The following GARIN4 variants were observed in gnomAD, a reference collection of about 807,000 sequenced individuals.
GARIN4 encodes golgi associated RAB2 interactor family member 4.
the GARIN4 span, chr1:212,625,033 G>A: frequency 6.2e-7 from 1 of 1,614,158 alleles, no homozygotes; most frequent in Non-Finnish European, 8.5e-7. Flanking sequence ...ACTTTATCCA[G>A]ATCACCAAAA....
chr1:212,624,983 G>A, the GARIN4 span: 1 of 1,614,166 alleles, frequency 6.2e-7, no homozygotes, highest in Non-Finnish European at 8.5e-7. Flanking sequence ...GTACAAGGGG[G>A]AGTACGATAT....
chr1:212,625,339 TC>T, the GARIN4 span: 1 of 1,614,218 alleles, frequency 6.2e-7, no homozygotes, highest in African/African-American at 1.3e-5. Context: ...TGCAATTGTG[TC>T]CCGCTCTTGA....
At chr1:212,625,654 C>G in the GARIN4 span, 3 of 1,614,018 alleles carry the variant, frequency 1.9e-6, no homozygotes, top group South Asian at 3.3e-5. Context: ...ATGCATCCAT[C>G]CCCAAAACAT....
chr1:212,626,092 T>C, the GARIN4 span: 7 of 1,613,592 alleles, frequency 4.3e-6, no homozygotes, highest in African/African-American at 1.3e-5. Flanking sequence ...GCAGCCTGAG[T>C]GGACAGCATG....
At chr1:212,625,866 C>T in the GARIN4 span, 4 of 1,614,240 alleles carry the variant, frequency 2.5e-6, no homozygotes, top group South Asian at 3.3e-5. Flanking sequence ...ATGGCCCTTG[C>T]AGGCACTGCC....
the GARIN4 span, chr1:212,626,634 T>A: frequency 6.2e-7 from 1 of 1,609,316 alleles, no homozygotes; most frequent in Non-Finnish European, 8.5e-7. Context: ...CCGGACATCA[T>A]GGAGACAGTG....
At chr1:212,625,015 T>A in the GARIN4 span, 3 of 1,614,106 alleles carry the variant, frequency 1.9e-6, no homozygotes, top group Non-Finnish European at 2.5e-6. Flanking sequence ...CACCGATATT[T>A]GAGAGCGACT....
the GARIN4 span, chr1:212,625,901 G>A: frequency 1.5e-5 from 24 of 1,614,246 alleles, no homozygotes; most frequent in Non-Finnish European, 1.9e-5. Context: ...CAGCACGAAG[G>A]TGGCTGTGGC....
At chr1:212,625,901 G>C in the GARIN4 span, 1 of 1,614,246 alleles carries the variant, frequency 6.2e-7, no homozygotes, top group Non-Finnish European at 8.5e-7. Flanking sequence ...CAGCACGAAG[G>C]TGGCTGTGGC....
At chr1:212,625,148 C>T in the GARIN4 span, 1 of 1,614,178 alleles carries the variant, frequency 6.2e-7, no homozygotes, top group Non-Finnish European at 8.5e-7. Context: ...ACTGGCACGA[C>T]CGGCCACCGG....
At chr1:212,625,723 G>T in the GARIN4 span, 1 of 1,613,920 alleles carries the variant, frequency 6.2e-7, no homozygotes, top group Non-Finnish European at 8.5e-7. Context: ...CAGCAGCAGG[G>T]GCAGCTGCAG....
At chr1:212,625,560 C>G in the GARIN4 span, 2 of 1,614,196 alleles carry the variant, frequency 1.2e-6, no homozygotes, top group Non-Finnish European at 1.7e-6. Flanking sequence ...CACATGGTCT[C>G]TGAGGTGTGT....
chr1:212,625,553 A>G, the GARIN4 span: 1 of 1,614,138 alleles, frequency 6.2e-7, no homozygotes, highest in Non-Finnish European at 8.5e-7. Flanking sequence ...AAGCCTCCAC[A>G]TGGTCTCTGA....
the GARIN4 span, chr1:212,626,175 T>C: frequency 1.2e-6 from 2 of 1,614,022 alleles, no homozygotes; most frequent in East Asian, 2.2e-5. Context: ...GACAGGGCTC[T>C]CGGAAGGAGT....
the GARIN4 span, chr1:212,626,767 C>T: frequency 6.8e-7 from 1 of 1,471,562 alleles, no homozygotes; most frequent in East Asian, 2.3e-5. Context: ...AAGAATCATA[C>T]ATCTGAAAGT....
chr1:212,626,275 C>T, the GARIN4 span: 7 of 1,614,096 alleles, frequency 4.3e-6, no homozygotes, highest in African/African-American at 5.3e-5. Context: ...CATTCAGCCA[C>T]AGAGCCAATA....
chr1:212,625,162 C>T, the GARIN4 span: 115 of 1,614,070 alleles, frequency 7.1e-5, 2 homozygotes, highest in South Asian at 7.0e-4. Context: ...CCACCGGCTG[C>T]GAAGAGTATG....
At chr1:212,624,971 C>G in the GARIN4 span, 2 of 1,614,180 alleles carry the variant, frequency 1.2e-6, no homozygotes, top group South Asian at 2.2e-5. Context: ...GCAGCGACAA[C>G]TGTACAAGGG....
At chr1:212,625,852 C>T in the GARIN4 span, 1 of 1,614,246 alleles carries the variant, frequency 6.2e-7, no homozygotes, top group Admixed American at 1.7e-5. Context: ...GAAACAAAGG[C>T]AACATGGCCC....
Sources: gnomAD v4.1 joint callset for allele counts on GRCh38, gnomAD v4.1.1 for gene constraint, MANE v1.5 for transcripts, NCBI Gene and HGNC (gene_info 2026-07-23, HGNC 2026-07-21) for gene names.